The following HMGXB3 variants were observed in gnomAD, a reference collection of about 807,000 sequenced individuals.
HMGXB3 encodes the protein HMG domain-containing protein 3.
In HMGXB3, 45 loss-of-function variants were observed where a neutral mutation model predicts 121.5. That is an observed-to-expected ratio of 0.37 (90% confidence interval 0.29 to 0.47). HMGXB3 has a LOEUF of 0.47. HMGXB3 is among the 20% of genes least tolerant of loss of function. The pLI is 0.99. For synonymous variants in HMGXB3, 590 were observed against 624.1 expected (o/e 0.95, Z 0.81); for missense variants, 1,376 against 1,602.2 (o/e 0.86, Z 2.41).
intron 7 of HMGXB3, among the ~76,000 whole-genome samples, chr5:150,025,577 T>C (rs1354083014): frequency 6.6e-6 from 1 of 152,160 alleles, no homozygotes; most frequent in Non-Finnish European, 1.5e-5. Context: ...ATGTTTATTT[T>C]TATTGTTTGA....
At chr5:150,015,015 A>G in intron 5 of HMGXB3, 1 of 602,496 alleles carries the variant, frequency 1.7e-6, no homozygotes, top group Non-Finnish European at 2.6e-6. Flanking sequence ...CCAAACCACC[A>G]ATGATTGCCC....
chr5:150,030,834 A>G lies in HMGXB3; in HGVS notation c.1828A>G (p.Thr610Ala). ...TCCATATAAGTACAGCTGCACTGTC[A>G]CATTGGTAAGTATGCAGCTAGGTGG... The part of the protein sequence containing the change: ...FPPYKYSCTV[T>A]LDLGLATSRG... Residue 610 changes from threonine (T) to alanine (A), a missense_variant, in exon 10 of 20, where the codon ACA becomes GCA. Physicochemically the swap from Thr to Ala is moderately conservative, Grantham distance 58 (BLOSUM62 0). Transcript: ENST00000502717. The G allele has an allele frequency of 6.4e-7, 1 of 1,551,110 alleles. No homozygotes were observed. Among genetic ancestry groups the G allele is most frequent in the Non-Finnish European group, 8.7e-7 (1 of 1,146,170 alleles).
intron 4 of HMGXB3, 118 bp from the exon 5 acceptor site, chr5:150,012,129 GATAAGCAC>G: frequency 1.6e-6 from 1 of 643,592 alleles, no homozygotes; most frequent in African/African-American, 1.8e-5. Context: ...CATTCCTTTT[GATAAGCAC>G]ATTGGGATGA....
chr5:150,027,125 C>T lies in HMGXB3; in HGVS notation c.1734+8C>T. 6.5e-7 allele frequency: 1 copy of T among 1,549,598 alleles called. No homozygotes were observed. The highest frequency in any genetic ancestry group is 1.8e-4 in the Middle Eastern group (1 of 5,556). On this transcript the variant is annotated splice_region_variant and intron_variant, in intron 9 of 19. Coordinates refer to ENST00000502717, the MANE Select transcript of HMGXB3 (RefSeq NM_014983.3). ...GGCCCTGGTGAGGTGAAGGTAAGGC[C>T]CATTTTCCAGAGTGGGAGCTGTTTG...
At chr5:150,016,257 C>T (rs1755956931) in intron 5 of HMGXB3, among the ~76,000 whole-genome samples, 1 of 148,138 alleles carries the variant, frequency 6.8e-6, no homozygotes, top group Admixed American at 6.9e-5. Context: ...GGGAGGATTG[C>T]TTGGGCCCAG....
rs193191716 is a variant in HMGXB3, at chr5:150,043,292, A to G, written c.2730+1323A>G. Among the ~76,000 whole-genome samples the G allele has an allele frequency of 4.0e-5, 6 of 150,360 alleles. No individual in the cohort carries two copies. In the East Asian group the frequency reaches 5.8e-4, roughly 15 times the overall value. On this transcript the variant is annotated intron_variant, in intron 15 of 19. Coordinates refer to ENST00000502717, the MANE Select transcript of HMGXB3 (RefSeq NM_014983.3). ...GATTACTTTTCCCTGTGATCATGCTATGAGGTCTGGTCTACACTCACAGGC... is the reference window on the plus strand; with the variant it reads ...GATTACTTTTCCCTGTGATCATGCTGTGAGGTCTGGTCTACACTCACAGGC...
intron 7 of HMGXB3, among the ~76,000 whole-genome samples, chr5:150,024,924 G>C (rs900283128): frequency 6.6e-6 from 1 of 152,188 alleles, no homozygotes; most frequent in African/African-American, 2.4e-5. Context: ...GCATTAATTA[G>C]AGTCTTGCTG....
intron 5 of HMGXB3, among the ~76,000 whole-genome samples, chr5:150,012,966 C>T (rs1755878654): frequency 6.6e-6 from 1 of 152,214 alleles, no homozygotes; most frequent in African/African-American, 2.4e-5. Context: ...CTTTGCTTAA[C>T]TCACTTATTA....
chr5:150,028,107 C>T (rs1342508171), intron 9 of HMGXB3, among the ~76,000 whole-genome samples: 1 of 152,036 alleles, frequency 6.6e-6, no homozygotes, highest in Non-Finnish European at 1.5e-5. Flanking sequence ...TCAACATACA[C>T]AAGATGAACA....
intron 1 of HMGXB3, among the ~76,000 whole-genome samples, chr5:150,001,475 G>A (rs1261742140): frequency 1.3e-5 from 2 of 152,202 alleles, no homozygotes; most frequent in African/African-American, 4.8e-5. Flanking sequence ...TTCCAAGGAG[G>A]ATCTGATGGG....
intron 2 of HMGXB3, among the ~76,000 whole-genome samples, chr5:150,005,198 A>G (rs535665542): frequency 2.0e-5 from 3 of 152,384 alleles, no homozygotes; most frequent in Admixed American, 2.0e-4. Context: ...GTCACAGGAA[A>G]TTGTACCATA....
chr5:150,041,882 C>T lies in HMGXB3; in HGVS notation c.2643C>T (p.Asp881=), dbSNP rs527490538. The change falls in exon 15 of 20, where the codon GAC becomes GAT. Residue 881 remains aspartate (D), a synonymous_variant. Coordinates refer to ENST00000502717, the MANE Select transcript of HMGXB3 (RefSeq NM_014983.3). ...GCCTCACTGTCCGAGACTACAATGA[C>T]ATGATCTGTGGCATCTGTGGTGTGG... is the stretch of plus-strand genomic sequence containing the variant. ...FECLTVRDYN[D]MICGICGVAP... The T allele has an allele frequency of 1.9e-6, 3 of 1,551,758 alleles. No individual in the cohort carries two copies. Among genetic ancestry groups the T allele is most frequent in the East Asian group, 4.9e-5 (2 of 40,926 alleles).
intron 16 of HMGXB3, among the ~76,000 whole-genome samples, chr5:150,047,160 C>T (rs1169395850): frequency 6.6e-6 from 1 of 152,088 alleles, no homozygotes; most frequent in African/African-American, 2.4e-5. Context: ...TCCTAAAGTG[C>T]TAGGATTACA....
rs1755541630 is a variant in HMGXB3, at chr5:150,000,849, CG to C, written c.-331del. 1 of 154,780 alleles carries C rather than the reference CG, an allele frequency of 6.5e-6. No homozygotes were observed. Among genetic ancestry groups the C allele is most frequent in the Admixed American group, 6.5e-5 (1 of 15,298 alleles). 9.6% of individuals were successfully genotyped at this position (154,780 alleles called of 1,614,324 possible). A position where few individuals can be genotyped will look rare whatever the true frequency, so the allele number is the denominator to read the frequency against. On this transcript the variant is annotated 5_prime_UTR_variant, in exon 1 of 20. Coordinates refer to ENST00000502717, the MANE Select transcript of HMGXB3 (RefSeq NM_014983.3). ...CCCGGGGCTTGACCCCCGGGGCCCT[CG>C]GCAGGCATCGGTGAGGAGCCTGCGG...
chr5:150,028,524 T>G (rs1392863790), intron 9 of HMGXB3, among the ~76,000 whole-genome samples: 1 of 65,610 alleles, frequency 1.5e-5, no homozygotes, highest in Non-Finnish European at 2.9e-5. Flanking sequence ...TGTGTGTGTG[T>G]GTGTGTGTGT....
chr5:150,024,657 C>T lies in HMGXB3; in HGVS notation c.1437C>T (p.Leu479=). ...PSEGTSTSSP[L]PAPKKPTGAD... ...AGGGGACAAGTACCTCCAGTCCACT[C>T]CCTGCTCCTAAAAAACCTACAGGGT... is the stretch of plus-strand genomic sequence containing the variant. The change falls in exon 7 of 20, where the codon CTC becomes CTT. Residue 479 remains leucine, a synonymous_variant. Coordinates refer to ENST00000502717, the MANE Select transcript of HMGXB3 (RefSeq NM_014983.3). The T allele has an allele frequency of 6.5e-7, 1 of 1,547,812 alleles. No individual in the cohort carries two copies. The highest frequency in any genetic ancestry group is 8.7e-7 in the Non-Finnish European group (1 of 1,145,048).
intron 5 of HMGXB3, among the ~76,000 whole-genome samples, chr5:150,017,042 T>C (rs1288777677): frequency 3.9e-5 from 6 of 152,236 alleles, no homozygotes; most frequent in African/African-American, 1.4e-4. Context: ...AAACTGGTTA[T>C]TTCTCCTGAG....
At chr5:150,033,560 G>A (rs1450792939) in intron 11 of HMGXB3, among the ~76,000 whole-genome samples, 1 of 152,140 alleles carries the variant, frequency 6.6e-6, no homozygotes, top group Admixed American at 6.6e-5. Context: ...TGGCGTGGGG[G>A]CATGGGGTGG....
At chr5:150,036,376 G>C (rs1468526370) in intron 11 of HMGXB3, among the ~76,000 whole-genome samples, 4 of 152,072 alleles carry the variant, frequency 2.6e-5, no homozygotes, top group Non-Finnish European at 4.4e-5. Context: ...CTTGAATGTT[G>C]TCTCAGTGGT....
Sources: allele counts gnomAD v4.1 joint callset (sites outside exome capture counted in the v4.1 genomes callset), GRCh38; gene constraint gnomAD v4.1.1; transcripts MANE v1.5; gene names NCBI Gene and HGNC (gene_info 2026-07-23, HGNC 2026-07-21).